The following GTF2I variants were observed in gnomAD, a reference collection of about 807,000 sequenced individuals.
GTF2I encodes general transcription factor II-I.
In GTF2I, 12 loss-of-function variants were observed where a neutral mutation model predicts 67.6. The observed-to-expected ratio is 0.18, with a 90% CI of 0.11 to 0.29. The LOEUF (loss-of-function observed/expected upper bound fraction) is 0.29, where lower values mean the gene tolerates loss of function less well. Among genes scored for constraint, GTF2I ranks in the 10% least tolerant of loss-of-function variants. The probability of loss-of-function intolerance (pLI) is 1.00; values close to 1 mark genes in which losing one functional copy is unlikely to be tolerated. For synonymous variants in GTF2I, 149 were observed against 197.0 expected (o/e 0.76, Z 2.04); for missense variants, 271 against 580.1 (o/e 0.47, Z 5.47).
At chr7:74,739,081 A>C (rs1434040027) in intron 19 of GTF2I, among the ~76,000 whole-genome samples, 1 of 19,330 alleles carries the variant, frequency 5.2e-5, no homozygotes, top group Non-Finnish European at 1.2e-4. Flanking sequence ...TCCAGGCTGG[A>C]GTGCAGTGGT....
At chr7:74,701,657 T>C (rs1203931383) in intron 6 of GTF2I, among the ~76,000 whole-genome samples, 3 of 151,954 alleles carry the variant, frequency 2.0e-5, no homozygotes, top group African/African-American at 7.3e-5. Context: ...TTAGTAGAGA[T>C]GGGGTTTCAC....
intron 14 of GTF2I, among the ~76,000 whole-genome samples, chr7:74,730,831 C>G (rs1441070221): frequency 3.6e-5 from 5 of 139,764 alleles, no homozygotes; most frequent in Admixed American, 7.6e-5. Flanking sequence ...CTCAGTCTCC[C>G]AAGCAGCTGG....
At chr7:74,690,295 G>T (rs1788160327) in intron 2 of GTF2I, among the ~76,000 whole-genome samples, 1 of 152,014 alleles carries the variant, frequency 6.6e-6, no homozygotes, top group Non-Finnish European at 1.5e-5. Flanking sequence ...GGGAAAATTG[G>T]AATCACCAAC....
At chr7:74,697,708 T>C (rs587605137) in intron 3 of GTF2I, among the ~76,000 whole-genome samples, 120 of 152,346 alleles carry the variant, frequency 7.9e-4, no homozygotes, top group African/African-American at 2.5e-3. Context: ...TTACTTTCAT[T>C]CATCTAAGTA....
chr7:74,701,828 A>G (rs587754562), intron 6 of GTF2I, among the ~76,000 whole-genome samples: 1 of 152,332 alleles, frequency 6.6e-6, no homozygotes, highest in East Asian at 1.9e-4. Context: ...AATGTTTTTA[A>G]GGGGTTTTTA....
At chr7:74,708,259 T>G (rs1220316047) in intron 8 of GTF2I, among the ~76,000 whole-genome samples, 1 of 152,174 alleles carries the variant, frequency 6.6e-6, no homozygotes, top group Non-Finnish European at 1.5e-5. Context: ...GTCAAGATCG[T>G]GCCATTGCAC....
intron 3 of GTF2I, among the ~76,000 whole-genome samples, chr7:74,692,724 G>A (rs1788448073): frequency 6.6e-6 from 1 of 152,122 alleles, no homozygotes; most frequent in Admixed American, 6.6e-5. Flanking sequence ...GTATCTATAG[G>A]CACATATTAT....
intron 9 of GTF2I, among the ~76,000 whole-genome samples, chr7:74,711,686 G>A (rs1228648073): frequency 6.6e-6 from 1 of 152,052 alleles, no homozygotes; most frequent in African/African-American, 2.4e-5. Flanking sequence ...AATAAAATGT[G>A]GACTATTTTC....
chr7:74,669,979 GCT>G (rs782205102), intron 1 of GTF2I, among the ~76,000 whole-genome samples: 1 of 152,038 alleles, frequency 6.6e-6, no homozygotes, highest in Non-Finnish European at 1.5e-5. Flanking sequence ...TAATTTTCCT[GCT>G]CTCTCAGAAA....
Position 74,691,093 on chromosome 7 carries a change from A to G in GTF2I, c.220A>G (p.Lys74Glu). 1 of 1,606,946 alleles carries G rather than the reference A, an allele frequency of 6.2e-7. No individual in the cohort carries two copies. The highest frequency in any genetic ancestry group is 8.5e-7 in the Non-Finnish European group (1 of 1,175,342). ...AFVNTRKDFQ[K>E]DFVKYCVEEE... ...TGTCAATACCAGAAAGGATTTTCAA[A>G]AAGATTTTGTAAAATATTGTAAGCA... Residue 74 changes from lysine to glutamate, a missense_variant, in exon 3 of 35, where the codon AAA becomes GAA. Lys to Glu is a moderately conservative substitution (Grantham distance 56). Coordinates refer to ENST00000573035, the MANE Select transcript of GTF2I (RefSeq NM_032999.4).
rs1460499813 is a variant in GTF2I at position 74,725,067 on chromosome 7, C to T, written c.944-3719C>T. Reference sequence around the variant, plus strand: ...AAAATGGTTGTTTATACTTTGGAAACGGCAGATAATTGGAAGAGCAATGCC... The same window carrying T: ...AAAATGGTTGTTTATACTTTGGAAATGGCAGATAATTGGAAGAGCAATGCC... On this transcript the variant is annotated intron_variant, in intron 12 of 34. Transcript: ENST00000573035. 6.6e-5 allele frequency among the ~76,000 whole-genome samples: 10 copies of T among 152,204 alleles called. No individual in the cohort carries two copies. The East Asian group carries it at 1.4e-3, about 21-fold the overall frequency.
At chr7:74,747,792 CA>C (rs4028287) in intron 23 of GTF2I, among the ~76,000 whole-genome samples, 17,046 of 34,734 alleles carry the variant, frequency 0.49, 2,126 homozygotes, top group East Asian at 0.61. Flanking sequence ...AACTTTGTCT[CA>C]AAAAAAAAAA....
At chr7:74,712,702 C>G (rs1318135415) in intron 9 of GTF2I, among the ~76,000 whole-genome samples, 1 of 136,244 alleles carries the variant, frequency 7.3e-6, no homozygotes, top group African/African-American at 2.8e-5. Flanking sequence ...TTTGCTCTGT[C>G]GCCCAAGCTG....
At chr7:74,717,074 C>T in intron 11 of GTF2I, 124 bp downstream of exon 11, 1 of 1,363,064 alleles carries the variant, frequency 7.3e-7, no homozygotes, top group Non-Finnish European at 9.8e-7. Flanking sequence ...GTATGCCTTC[C>T]TAGCCAACAG....
At chr7:74,714,789 G>A (rs1318032820) in intron 9 of GTF2I, 68 bp from the exon 10 acceptor site, 2 of 1,004,326 alleles carry the variant, frequency 2.0e-6, no homozygotes, top group Non-Finnish European at 1.5e-6. Context: ...CAAATTTGTT[G>A]ACTAAAGTCA....
chr7:74,718,596 G>A (rs1792549877), intron 11 of GTF2I, among the ~76,000 whole-genome samples: 1 of 152,196 alleles, frequency 6.6e-6, no homozygotes, highest in South Asian at 2.1e-4. Context: ...TTGTGACTTT[G>A]TCATATCCTC....
chr7:74,681,655 T>C (rs1414636481), intron 1 of GTF2I, among the ~76,000 whole-genome samples: 1 of 152,232 alleles, frequency 6.6e-6, no homozygotes, highest in Non-Finnish European at 1.5e-5. Flanking sequence ...CTTACGCCTG[T>C]AATCCTAGCA....
intron 1 of GTF2I, among the ~76,000 whole-genome samples, chr7:74,662,757 T>G (rs1804635921): frequency 6.6e-6 from 1 of 152,014 alleles, no homozygotes; most frequent in African/African-American, 2.4e-5. Context: ...CTCCTGACCT[T>G]GTGATCTGCC....
intron 1 of GTF2I, among the ~76,000 whole-genome samples, chr7:74,679,897 G>A (rs894721756): frequency 1.3e-5 from 2 of 151,364 alleles, no homozygotes; most frequent in African/African-American, 2.4e-5. Flanking sequence ...CCTGGCCAAC[G>A]TGGTGAAACC....
Sources: allele counts gnomAD v4.1 joint callset (sites outside exome capture counted in the v4.1 genomes callset), GRCh38; gene constraint gnomAD v4.1.1; transcripts MANE v1.5; gene names NCBI Gene and HGNC (gene_info 2026-07-23, HGNC 2026-07-21).